AP1AR: variants seen among roughly 807,000 people sequenced by gnomAD.
AP1AR encodes the protein adaptor related protein complex 1 associated regulatory protein, also known as AP-1 complex-associated regulatory protein.
In AP1AR, 29 loss-of-function variants were observed where a neutral mutation model predicts 46.3. That is an observed-to-expected ratio of 0.63 (90% CI 0.47 to 0.85). AP1AR has a LOEUF of 0.85. Ranked by LOEUF, AP1AR falls within the 40% of genes least tolerant of loss-of-function variation. The pLI is 0.00. For synonymous variants in AP1AR, 122 were observed against 122.9 expected (o/e 0.99, Z 0.05); for missense variants, 357 against 356.3 (o/e 1.00, Z -0.02).
intron 8 of AP1AR, 99 bp from the exon 9 acceptor site, chr4:112,266,483 GTAATAA>G: frequency 6.4e-6 from 7 of 1,089,078 alleles, no homozygotes; most frequent in Non-Finnish European, 7.8e-6. Flanking sequence ...GAAGCTAAAA[GTAATAA>G]TAATAATATT....
intron 1 of AP1AR, among the ~76,000 whole-genome samples, chr4:112,237,175 T>G (rs1217672571): frequency 6.6e-6 from 1 of 152,136 alleles, no homozygotes; most frequent in Non-Finnish European, 1.5e-5. Flanking sequence ...TGGTGTGATC[T>G]TGCTCACTGC....
At chr4:112,241,098 T>C (rs2110469004) in intron 1 of AP1AR, among the ~76,000 whole-genome samples, 1 of 152,340 alleles carries the variant, frequency 6.6e-6, no homozygotes, top group Non-Finnish European at 1.5e-5. Context: ...TTTAAACCCT[T>C]GCATTATGTC....
At chr4:112,262,767 T>C (rs1452369795) in intron 5 of AP1AR, among the ~76,000 whole-genome samples, 1 of 152,254 alleles carries the variant, frequency 6.6e-6, no homozygotes, top group Non-Finnish European at 1.5e-5. Flanking sequence ...GCTTCATAAC[T>C]CAGTTTCTAA....
intron 2 of AP1AR, 116 bp downstream of exon 2, chr4:112,253,372 A>G: frequency 1.4e-6 from 1 of 730,928 alleles, no homozygotes; most frequent in Non-Finnish European, 2.3e-6. Context: ...TTTATATTTC[A>G]ATATTATTCA....
intron 3 of AP1AR, 101 bp downstream of exon 3, chr4:112,254,874 T>C (rs1366541329): frequency 1.7e-6 from 1 of 590,826 alleles, no homozygotes; most frequent in East Asian, 3.5e-5. Context: ...ATTTTTGTTT[T>C]AGAATTTTTA....
chr4:112,256,290 C>T (rs1726195824), intron 3 of AP1AR, among the ~76,000 whole-genome samples: 1 of 152,174 alleles, frequency 6.6e-6, no homozygotes, highest in African/African-American at 2.4e-5. Flanking sequence ...CATTCCATTT[C>T]ATAGAACTTA....
chr4:112,260,778 G>T lies in AP1AR; in HGVS notation c.198G>T (p.Glu66Asp). ...TTTTTTTCTCTAGGCCTCTTACTGA[G>T]GAAGAAATTGTTGACCTAAGAGAAA... is the stretch of plus-strand genomic sequence containing the variant. ...SPGSSHRPLT[E>D]EEIVDLRERH... The change falls in exon 5 of 10, where the codon GAG (glutamate) becomes GAT (aspartate). Residue 66 changes from glutamate (E) to aspartate (D), a missense_variant. Physicochemically the swap from Glu to Asp is conservative, Grantham distance 45. This residue lies in a region of AP1AR where 269 missense variants were observed against 223.6 expected (regional missense o/e 1.20). Transcript: ENST00000274000. 1 of 1,591,416 alleles carries T rather than the reference G, an allele frequency of 6.3e-7. No homozygotes were observed.
At chr4:112,247,743 G>T (rs936823956) in intron 1 of AP1AR, among the ~76,000 whole-genome samples, 1 of 152,138 alleles carries the variant, frequency 6.6e-6, no homozygotes, top group African/African-American at 2.4e-5. Context: ...ATATGTCAGC[G>T]TGTCTTTTAA....
chr4:112,253,361 GT>G, intron 2 of AP1AR, 105 bp downstream of exon 2: 1 of 790,228 alleles, frequency 1.3e-6, no homozygotes, highest in Non-Finnish European at 2.1e-6. Context: ...AGAATGGACT[GT>G]TTATATTTCA....
chr4:112,247,403 T>C (rs187596036), intron 1 of AP1AR, among the ~76,000 whole-genome samples: 215 of 152,328 alleles, frequency 1.4e-3, no homozygotes, highest in Admixed American at 3.2e-3. Flanking sequence ...ATGTTAACGT[T>C]GTAGTTTCGA....
chr4:112,268,458 C>A lies in AP1AR; in HGVS notation c.*49C>A, dbSNP rs1726806116. On this transcript the variant is annotated 3_prime_UTR_variant, in exon 10 of 10. Transcript: ENST00000274000. ...ATCAGTTATGACCAAATGTTAAAAA[C>A]CAACTAGAATGTATAAGTGATTGTG... 2 of 1,511,028 alleles carry A rather than the reference C, an allele frequency of 1.3e-6. No homozygotes were observed. The highest frequency in any genetic ancestry group is 2.8e-5 in the African/African-American group (2 of 71,654). 93.6% of individuals were successfully genotyped at this position (1,511,028 alleles called of 1,614,324 possible).
At chr4:112,239,510 A>G (rs1431385250) in intron 1 of AP1AR, among the ~76,000 whole-genome samples, 2 of 152,200 alleles carry the variant, frequency 1.3e-5, no homozygotes, top group Non-Finnish European at 2.9e-5. Flanking sequence ...AAAGAGTGAC[A>G]TGCATATAGC....
intron 1 of AP1AR, among the ~76,000 whole-genome samples, chr4:112,244,682 T>A (rs1170774799): frequency 6.6e-6 from 1 of 152,108 alleles, no homozygotes; most frequent in Admixed American, 6.5e-5. Flanking sequence ...TGCAGTGTTA[T>A]ATTGATTTTT....
chr4:112,253,714 AC>A (rs899650486), intron 2 of AP1AR, among the ~76,000 whole-genome samples: 1 of 152,212 alleles, frequency 6.6e-6, no homozygotes, highest in Non-Finnish European at 1.5e-5. Flanking sequence ...ACTCCACCAT[AC>A]AAATTAAGAA....
chr4:112,259,690 G>A (rs1053462273), intron 4 of AP1AR, among the ~76,000 whole-genome samples: 1 of 152,152 alleles, frequency 6.6e-6, no homozygotes, highest in Non-Finnish European at 1.5e-5. Context: ...AAAAGGAATA[G>A]GTTAAAGGTA....
Position 112,231,909 on chromosome 4 carries a change from G to A in AP1AR, c.-183G>A. 2.2e-6 allele frequency: 1 copy of A among 448,614 alleles called. No individual in the cohort carries two copies. The highest frequency in any genetic ancestry group is 7.8e-5 in the South Asian group (1 of 12,890). 27.8% of individuals were successfully genotyped at this position (448,614 alleles called of 1,614,324 possible). ...CTCTGCGGCCGCTGGAGTAAACACT[G>A]CCTTTGTTCCCTAGCGCCTCGTCTT... On this transcript the variant is annotated 5_prime_UTR_variant, in exon 1 of 10. Coordinates refer to ENST00000274000, the MANE Select transcript of AP1AR (RefSeq NM_018569.6).
At chr4:112,262,914 A>G in intron 5 of AP1AR, 74 bp from the exon 6 acceptor site, 1 of 913,648 alleles carries the variant, frequency 1.1e-6, no homozygotes, top group Admixed American at 2.1e-5. Context: ...TTTTATAAAT[A>G]GAAGCATTTT....
Position 112,260,836 on chromosome 4 carries a change from G to A in AP1AR, c.256G>A (p.Asp86Asn), listed in dbSNP as rs764166785. 1 of 1,600,684 alleles carries A rather than the reference G, an allele frequency of 6.2e-7. No homozygotes were observed. Among genetic ancestry groups the A allele is most frequent in the Admixed American group, 1.7e-5 (1 of 58,438 alleles). The change falls in exon 5 of 10, where the codon GAT becomes AAT. Residue 86 changes from aspartate to asparagine, a missense_variant. Asp to Asn is a conservative substitution (Grantham distance 23). Coordinates refer to ENST00000274000, the MANE Select transcript of AP1AR (RefSeq NM_018569.6). ...TGATTCCATTGCCGAAAAACAAAAA[G>A]ATCTTGATAAGAAAATTCAAAAAGA... ...HYDSIAEKQK[D>N]LDKKIQKELA...
chr4:112,254,817 C>A, intron 3 of AP1AR, 44 bp downstream of exon 3: 1 of 1,064,886 alleles, frequency 9.4e-7, no homozygotes, highest in South Asian at 1.9e-5. Flanking sequence ...TTGTTTTTCT[C>A]ATTAATCGTC....
Sources: gnomAD v4.1 joint callset for allele counts (sites outside exome capture counted in the v4.1 genomes callset) on GRCh38, gnomAD v4.1.1 for gene constraint, gnomAD v4.1.1 regional missense constraint, MANE v1.5 for transcripts, NCBI Gene and HGNC (gene_info 2026-07-23, HGNC 2026-07-21) for gene names.